The following ERVW-1 variants were observed in gnomAD, a reference collection of about 807,000 sequenced individuals.
The protein encoded by ERVW-1 is syncytin-1.
In ERVW-1, 21 loss-of-function variants were observed where a neutral mutation model predicts 16.6. The observed-to-expected ratio is 1.26, with a 90% CI of 0.90 to 1.82. The LOEUF (loss-of-function observed/expected upper bound fraction) is 1.82, where lower values mean the gene tolerates loss of function less well. ERVW-1 is among the 40% of genes most tolerant of loss of function. The probability of loss-of-function intolerance (pLI) is 0.00; values close to 1 mark genes in which losing one functional copy is unlikely to be tolerated. For missense variants in ERVW-1, 412 were observed against 300.2 expected (o/e 1.37, Z -2.75); for synonymous variants, 161 against 109.8 (o/e 1.47, Z -2.92).
chr7:92,471,085 C>T (rs1199481219), intron 1 of ERVW-1: 4 of 166,718 alleles, frequency 2.4e-5, no homozygotes, highest in East Asian at 3.8e-4. Flanking sequence ...CGGGGAAGTC[C>T]GAATCTGGGA....
rs1387364499 is a variant in ERVW-1, at chr7:92,474,946, T to G, written c.-228+2436A>C. On this transcript the variant is annotated intron_variant, in intron 1 of 1. Transcript: ENST00000603053. ...ACTGTTTACCCTTTTGTCTATCTCC[T>G]TTTGGACCATTTGGGTTGAAGGGGG... 2.0e-5 allele frequency: 3 copies of G among 152,120 alleles called. 1 individual carries two copies. The highest frequency in any genetic ancestry group is 2.0e-4 in the Admixed American group (3 of 15,270). 9.4% of individuals were successfully genotyped at this position (152,120 alleles called of 1,614,324 possible). A position where few individuals can be genotyped will look rare whatever the true frequency, so the allele number is the denominator to read the frequency against.
At position 92,468,730 on chromosome 7, in the gene ERVW-1, C is replaced by T. The variant is rs756436946; in HGVS notation, c.*35G>A. 1.0e-5 allele frequency: 7 copies of T among 683,542 alleles called. No homozygotes were observed. Among genetic ancestry groups the T allele is most frequent in the Admixed American group, 2.2e-5 (1 of 46,230 alleles). 42.3% of individuals were successfully genotyped at this position (683,542 alleles called of 1,614,324 possible). A position where few individuals can be genotyped will look rare whatever the true frequency, so the allele number is the denominator to read the frequency against. On this transcript the variant is annotated 3_prime_UTR_variant, in exon 2 of 2. Coordinates refer to ENST00000603053, the MANE Select transcript of ERVW-1 (RefSeq NM_001130925.2). ...CAGTCCCCCATCTCAACAGGAAAAC[C>T]TAAGTGCTGTTGGGGAGGTTGGCCG...
chr7:92,474,749 C>T (rs1457091425), intron 1 of ERVW-1: 1 of 152,192 alleles, frequency 6.6e-6, no homozygotes, highest in Non-Finnish European at 1.5e-5. Context: ...TGTCCTAACC[C>T]TTGTAAAACA....
At position 92,469,027 on chromosome 7, in the gene ERVW-1, A is replaced by C. The variant is rs1178239364; in HGVS notation, c.1355T>G (p.Leu452Ter). The C allele has an allele frequency of 1.4e-6, 1 of 721,528 alleles. No individual in the cohort carries two copies. The highest frequency in any genetic ancestry group is 2.5e-6 in the Non-Finnish European group (1 of 395,958). 44.7% of individuals were successfully genotyped at this position (721,528 alleles called of 1,614,324 possible). The change falls in exon 2 of 2, where the codon TTA (leucine) becomes TGA (stop). Residue 452 changes from leucine (L) to a stop codon, truncating the protein, a stop_gained. Coordinates refer to ENST00000603053, the MANE Select transcript of ERVW-1 (RefSeq NM_001130925.2). LOFTEE classifies it high-confidence loss of function. ...SQWMPWILPF[L>*]GPLAAIILLL... ...CAATATTATAGCTGCTAGAGGTCCTAAGAAGGGGAGAATCCAGGGCATCCA... is the reference window on the plus strand; with the variant it reads ...CAATATTATAGCTGCTAGAGGTCCTCAGAAGGGGAGAATCCAGGGCATCCA...
rs1332365310 is a variant in ERVW-1, at chr7:92,468,778, G to A, written c.1604C>T (p.Ala535Val). 2 of 738,998 alleles carry A rather than the reference G, an allele frequency of 2.7e-6. No individual in the cohort carries two copies. Among genetic ancestry groups the A allele is most frequent in the Admixed American group, 3.7e-5 (2 of 54,440 alleles). The allele number at this position is 738,998 out of a possible 1,614,324, so 45.8% of individuals were successfully genotyped here. A position where few individuals can be genotyped will look rare whatever the true frequency, so the allele number is the denominator to read the frequency against. Residue 535 changes from alanine to valine, a missense_variant, in exon 2 of 2, where the codon GCA (alanine) becomes GTA (valine). Coordinates refer to ENST00000603053, the MANE Select transcript of ERVW-1 (RefSeq NM_001130925.2). ...AAQPLLRPNSAGSS is the reference protein window; with the variant it reads ...AAQPLLRPNSVGSS The stretch of plus-strand genomic sequence containing the variant: ...CCGACGACCGCTCTAACTGCTTCCT[G>A]CTGAATTGGGGCGTAGTAGAGGTTG...
intron 1 of ERVW-1, among the ~76,000 whole-genome samples, chr7:92,477,082 A>G (rs538871794): frequency 2.9e-4 from 44 of 152,308 alleles, no homozygotes; most frequent in African/African-American, 8.4e-4. Context: ...ACTTCTGGCT[A>G]CACCATGATC....
chr7:92,473,597 T>C lies in ERVW-1; in HGVS notation c.-227-2989A>G, dbSNP rs1364101486. ...TGGCCCCTGCTTTTGCTAGAATGTC[T>C]CTCCCTAACAAGGTAGTGGGGCTTT... On this transcript the variant is annotated intron_variant, in intron 1 of 1. Transcript: ENST00000603053. Among the ~76,000 whole-genome samples the C allele has an allele frequency of 2.6e-5, 4 of 152,088 alleles. No individual in the cohort carries two copies. In the East Asian group the frequency reaches 7.7e-4, roughly 29 times the overall value.
chr7:92,476,780 A>G (rs1790563845), intron 1 of ERVW-1, among the ~76,000 whole-genome samples: 1 of 152,014 alleles, frequency 6.6e-6, no homozygotes, highest in Non-Finnish European at 1.5e-5. Context: ...ATAACTGCCC[A>G]TGTCAAGAGC....
rs1790277881 is a variant in ERVW-1, at chr7:92,470,130, A to G, written c.252T>C (p.Thr84=). ...HSATLCMHAN[T]HYWTGKMINP... Reference sequence around the variant, plus strand: ...TAATCATTTTTCCTGTCCAATAATGAGTATTTGCATGCATGCAAAGAGTGG... The same window carrying G: ...TAATCATTTTTCCTGTCCAATAATGGGTATTTGCATGCATGCAAAGAGTGG... Residue 84 remains threonine (T), a synonymous_variant, in exon 2 of 2, where the codon ACT becomes ACC. Coordinates refer to ENST00000603053, the MANE Select transcript of ERVW-1 (RefSeq NM_001130925.2). 1 of 778,744 alleles carries G rather than the reference A, an allele frequency of 1.3e-6. No homozygotes were observed. The highest frequency in any genetic ancestry group is 2.4e-6 in the Non-Finnish European group (1 of 417,966). 48.2% of individuals were successfully genotyped at this position (778,744 alleles called of 1,614,324 possible).
At position 92,469,435 on chromosome 7, in the gene ERVW-1, T is replaced by C. The variant is rs780478983; in HGVS notation, c.947A>G (p.Lys316Arg). The C allele has an allele frequency of 2.6e-6, 2 of 771,342 alleles. No homozygotes were observed. The highest frequency in any genetic ancestry group is 4.8e-6 in the Non-Finnish European group (2 of 415,346). The allele number at this position is 771,342 out of a possible 1,614,324, so 47.8% of individuals were successfully genotyped here. Residue 316 changes from lysine (K) to arginine (R), a missense_variant, in exon 2 of 2, where the codon AAA (lysine) becomes AGA (arginine). Physicochemically the swap from Lys to Arg is conservative, Grantham distance 26. Transcript: ENST00000603053. The stretch of plus-strand genomic sequence containing the variant: ...AACAAAAGGAAGAATGGGTACTCTT[T>C]TGTTGCGGGGCTTAGATATGACATA... The part of the protein sequence containing the change: ...YSYVISKPRN[K>R]RVPILPFVIG...
At chr7:92,471,563 G>A (rs1790353224) in intron 1 of ERVW-1, 1 of 152,202 alleles carries the variant, frequency 6.6e-6, no homozygotes, top group Admixed American at 6.5e-5. Context: ...CTGAGTACTG[G>A]GGCTTGGTTT....
rs781675422 is a variant in ERVW-1, at chr7:92,469,632, T to C, written c.750A>G (p.Gln250=). 2.6e-6 allele frequency: 2 copies of C among 764,398 alleles called. No homozygotes were observed. The highest frequency in any genetic ancestry group is 3.4e-5 in the African/African-American group (2 of 59,072). 47.4% of individuals were successfully genotyped at this position (764,398 alleles called of 1,614,324 possible). Residue 250 remains glutamine, a synonymous_variant, in exon 2 of 2, where the codon CAA becomes CAG. Transcript: ENST00000603053. The part of the protein sequence containing the change: ...FSNTTYTTNS[Q]CIRWVTPPTQ... ...TGGGAGGAGTTACCCACCTGATGCATTGGGAGTTGGTTGTGTATGTAGTAT... is the reference window on the plus strand; with the variant it reads ...TGGGAGGAGTTACCCACCTGATGCACTGGGAGTTGGTTGTGTATGTAGTAT...
Position 92,470,402 on chromosome 7 carries a change from A to G in ERVW-1, c.-21T>C, listed in dbSNP as rs757544641. 3.0e-6 allele frequency: 2 copies of G among 675,650 alleles called. No homozygotes were observed. The highest frequency in any genetic ancestry group is 2.7e-6 in the Non-Finnish European group (1 of 369,084). The allele number at this position is 675,650 out of a possible 1,614,324, so 41.9% of individuals were successfully genotyped here. On this transcript the variant is annotated 5_prime_UTR_variant, in exon 2 of 2. Transcript: ENST00000603053. Reference sequence around the variant, plus strand: ...GCCATGGGGATTTATGATTTTAGTTACTTTCCTCCTGGTTGTTGTTTGAAG... The same window carrying G: ...GCCATGGGGATTTATGATTTTAGTTGCTTTCCTCCTGGTTGTTGTTTGAAG...
intron 1 of ERVW-1, among the ~76,000 whole-genome samples, chr7:92,476,207 C>T (rs1314697956): frequency 6.6e-6 from 1 of 152,182 alleles, no homozygotes; most frequent in Non-Finnish European, 1.5e-5. Flanking sequence ...CAGAATAGCC[C>T]CATACTTTAA....
chr7:92,473,237 C>G (rs1373063891), intron 1 of ERVW-1: 1 of 152,162 alleles, frequency 6.6e-6, no homozygotes, highest in Non-Finnish European at 1.5e-5. Context: ...GAACAACAGC[C>G]TCATTGATAA....
intron 1 of ERVW-1, among the ~76,000 whole-genome samples, chr7:92,474,269 G>T (rs922954501): frequency 2.0e-5 from 3 of 152,148 alleles, no homozygotes; most frequent in Non-Finnish European, 4.4e-5. Flanking sequence ...GACTTTTGAA[G>T]TTTTTTTCTA....
intron 1 of ERVW-1, chr7:92,471,491 G>A (rs560052623): frequency 6.6e-6 from 1 of 152,324 alleles, no homozygotes; most frequent in Admixed American, 6.5e-5. Context: ...CCCTTCTTCA[G>A]TGGCTAGCCG....
rs55903518 is a variant in ERVW-1, at chr7:92,469,969, C to T, written c.413G>A (p.Arg138Gln). The T allele has an allele frequency of 0.029, 22,687 of 776,634 alleles. 410 individuals are homozygous for T. The highest frequency in any genetic ancestry group is 0.062 in the Middle Eastern group (173 of 2,806). 48.1% of individuals were successfully genotyped at this position (776,634 alleles called of 1,614,324 possible). ...GTAGGGGCTAGAGGTGCCATGTACC[C>T]GGGTGAGTTGGGAGATTACTTCTTT... ...HVKEVISQLTRVHGTSSPYKG... is the reference protein window; with the variant it reads ...HVKEVISQLTQVHGTSSPYKG... Residue 138 changes from arginine (R) to glutamine (Q), a missense_variant, in exon 2 of 2, where the codon CGG (arginine) becomes CAG (glutamine). Arg to Gln is a conservative substitution (Grantham distance 43). Transcript: ENST00000603053.
Position 92,469,009 on chromosome 7 carries a change from A to G in ERVW-1, c.1373T>C (p.Ile458Thr), listed in dbSNP as rs762112708. The G allele has an allele frequency of 1.3e-6, 1 of 742,762 alleles. No individual in the cohort carries two copies. The highest frequency in any genetic ancestry group is 1.4e-5 in the South Asian group (1 of 72,108). The allele number at this position is 742,762 out of a possible 1,614,324, so 46.0% of individuals were successfully genotyped here. A position where few individuals can be genotyped will look rare whatever the true frequency, so the allele number is the denominator to read the frequency against. Reference protein sequence around the residue: ...ILPFLGPLAAIILLLLFGPCI... With the variant: ...ILPFLGPLAATILLLLFGPCI... ...GGGTCCAAAGAGGAGTAGCAATATT[A>G]TAGCTGCTAGAGGTCCTAAGAAGGG... The change falls in exon 2 of 2, where the codon ATA becomes ACA. Residue 458 changes from isoleucine to threonine, a missense_variant. By Grantham distance (89) the Ile-to-Thr change is moderately conservative. Coordinates refer to ENST00000603053, the MANE Select transcript of ERVW-1 (RefSeq NM_001130925.2).
Sources: gnomAD v4.1 joint callset for allele counts (sites outside exome capture counted in the v4.1 genomes callset) on GRCh38, gnomAD v4.1.1 for gene constraint, MANE v1.5 for transcripts, NCBI Gene and HGNC (gene_info 2026-07-23, HGNC 2026-07-21) for gene names.